The following RHCG variants were observed in gnomAD, a reference collection of about 807,000 sequenced individuals.
RHCG encodes ammonium transporter Rh type C.
A neutral mutation model predicts 55.3 loss-of-function variants in RHCG; 39 were observed. That is an observed-to-expected ratio of 0.70 (90% CI 0.55 to 0.92). The LOEUF (loss-of-function observed/expected upper bound fraction) is 0.92. Ranked by LOEUF, RHCG falls within the 40% of genes least tolerant of loss-of-function variation. The pLI, the probability that RHCG is intolerant of heterozygous loss-of-function variation, is 0.00. For synonymous variants in RHCG, 250 were observed against 246.8 expected (o/e 1.01, Z -0.12); for missense variants, 635 against 627.9 (o/e 1.01, Z -0.12).
chr15:89,476,998 A>G, intron 8 of RHCG, 84 bp downstream of exon 8: 2 of 1,586,960 alleles, frequency 1.3e-6, no homozygotes, highest in Non-Finnish European at 1.7e-6. Context: ...GCTCAGGCTG[A>G]CCTGTGCCGC....
chr15:89,486,753 C>T (rs1567227893), intron 2 of RHCG, 46 bp downstream of exon 2: 2 of 1,554,950 alleles, frequency 1.3e-6, no homozygotes, highest in Non-Finnish European at 8.7e-7. Context: ...TGCCCAGCCC[C>T]ATCCCTCCCA....
chr15:89,477,960 A>G lies in RHCG; in HGVS notation c.852T>C (p.Asn284=), dbSNP rs1477615298. 3 of 1,608,324 alleles carry G rather than the reference A, an allele frequency of 1.9e-6. No individual in the cohort carries two copies. In the African/African-American group the frequency reaches 4.0e-5, roughly 21 times the overall value. Residue 284 remains asparagine, a synonymous_variant, in exon 6 of 11, where the codon AAT becomes AAC. Transcript: ENST00000268122. This position sits in a 1 kb window ranked among gnomAD's most constrained non-coding sequence, Gnocchi z 4.5. ...CGGCCACCCCTCCTGCGAGCGTGGC[A>G]TTCTGGATGTGCACCTGGGCAGGGC... ...KGKLDMVHIQ[N]ATLAGGVAVG...
chr15:89,480,435 C>T (rs1961246201), intron 3 of RHCG, 27 bp from the exon 4 acceptor site: 1 of 1,601,980 alleles, frequency 6.2e-7, no homozygotes, highest in South Asian at 1.1e-5. Flanking sequence ...CTGTCAGACT[C>T]TGGCACCTTC....
At chr15:89,482,922 A>T in intron 3 of RHCG, 145 bp downstream of exon 3, 1 of 751,854 alleles carries the variant, frequency 1.3e-6, no homozygotes, top group Non-Finnish European at 2.0e-6. Context: ...TATTACTCCC[A>T]CTTTAGAGAT....
intron 2 of RHCG, among the ~76,000 whole-genome samples, chr15:89,485,434 A>G (rs183324701): frequency 5.1e-4 from 77 of 152,346 alleles, no homozygotes; most frequent in Admixed American, 1.4e-3. Flanking sequence ...TGGATTAATT[A>G]TCTGGTTTGG....
intron 1 of RHCG, among the ~76,000 whole-genome samples, chr15:89,487,834 C>T (rs1961402986): frequency 6.6e-6 from 1 of 152,232 alleles, no homozygotes; most frequent in Non-Finnish European, 1.5e-5. Flanking sequence ...TGTTTATGTT[C>T]ACTCAGGCAT....
At chr15:89,487,093 G>T in intron 1 of RHCG, 108 bp from the exon 2 acceptor site, 1 of 1,035,856 alleles carries the variant, frequency 9.7e-7, no homozygotes, top group Non-Finnish European at 1.4e-6. Flanking sequence ...CCCGCCACTG[G>T]CGCGTCTCCC....
At chr15:89,476,159 T>C (rs758415474) in intron 9 of RHCG, among the ~76,000 whole-genome samples, 4 of 150,938 alleles carry the variant, frequency 2.7e-5, no homozygotes, top group Non-Finnish European at 5.9e-5. Context: ...CTCCACCTCC[T>C]GGGCTCAAGC....
chr15:89,486,568 G>GAC (rs1233010146), intron 2 of RHCG: 2 of 269,796 alleles, frequency 7.4e-6, no homozygotes, highest in Admixed American at 8.1e-5. Flanking sequence ...GAGAGACAGA[G>GAC]AGAGAGAGAG....
In RHCG at chr15:89,483,097, C is replaced by T. The variant is rs907827274; in HGVS notation, c.492G>A (p.Val164=). 2 of 1,603,832 alleles carry T rather than the reference C, an allele frequency of 1.2e-6. No individual in the cohort carries two copies. The highest frequency in any genetic ancestry group is 1.7e-6 in the Non-Finnish European group (2 of 1,171,578). The change falls in exon 3 of 11, where the codon GTG becomes GTA. Residue 164 remains valine (V), a synonymous_variant. Transcript: ENST00000268122. The part of the protein sequence containing the change: ...MTFFQVTLFA[V]NEFILLNLLK... ...GCAGGTTAAGGAGAATGAACTCATT[C>T]ACAGCGAAGAGGGTCACTTGGAAGA...
At position 89,477,751 on chromosome 15, in the gene RHCG, C is replaced by T; in HGVS notation, c.975+86G>A. 1 of 1,603,472 alleles carries T rather than the reference C, an allele frequency of 6.2e-7. No individual in the cohort carries two copies. The highest frequency in any genetic ancestry group is 8.5e-7 in the Non-Finnish European group (1 of 1,172,586). ...ACCCAGGATTCTCTAGCCCTCAGCC[C>T]CCTCCCTAGGAACCCTCAGCTCACT... On this transcript the variant is annotated intron_variant, in intron 6 of 10. Coordinates refer to ENST00000268122, the MANE Select transcript of RHCG (RefSeq NM_016321.3). This position sits in a 1 kb window ranked among gnomAD's most constrained non-coding sequence, Gnocchi z 4.5.
chr15:89,486,786 G>A lies in RHCG; in HGVS notation c.371+13C>T, dbSNP rs777603151. The A allele has an allele frequency of 3.7e-5, 58 of 1,576,326 alleles. No homozygotes were observed. Among genetic ancestry groups the A allele is most frequent in the Non-Finnish European group, 4.8e-5 (55 of 1,155,354 alleles). The stretch of plus-strand genomic sequence containing the variant: ...CCAGTCCGCCACGCCCCCGGGGCCC[G>A]CCCTGCGCTCACTTCTCCACGCCCA... On this transcript the variant is annotated intron_variant, in intron 2 of 10. Transcript: ENST00000268122.
Position 89,477,733 on chromosome 15 carries a change from A to T in RHCG, c.976-80T>A. ...GAGGCCGGGATTCCAGAGACCCAGG[A>T]TTCTCTAGCCCTCAGCCCCCTCCCT... On this transcript the variant is annotated intron_variant, in intron 6 of 10. Transcript: ENST00000268122. This position sits in a 1 kb window ranked among gnomAD's most constrained non-coding sequence, Gnocchi z 4.5. The T allele has an allele frequency of 6.2e-7, 1 of 1,603,516 alleles. No individual in the cohort carries two copies. Among genetic ancestry groups the T allele is most frequent in the Non-Finnish European group, 8.5e-7 (1 of 1,172,266 alleles).
At position 89,474,840 on chromosome 15, in the gene RHCG, TCCTTCCTGCCTGCCTG is replaced by T. The variant is rs1567223956; in HGVS notation, c.1311+1899_1311+1914del. ...TGCCTGCCTTCCTTCCTGCCTGCCT[TCCTTCCTGCCTGCCTG>T]CCTTCCTTCCTGCCTGCCTTCCTTC... On this transcript the variant is annotated intron_variant, in intron 9 of 10. Coordinates refer to ENST00000268122, the MANE Select transcript of RHCG (RefSeq NM_016321.3). 1.3e-3 allele frequency among the ~76,000 whole-genome samples: 133 copies of T among 104,508 alleles called. 33 individuals carry two copies. The highest frequency in any genetic ancestry group is 4.7e-3 in the African/African-American group (116 of 24,798). The allele number at this position is 104,508 out of a possible 152,430, so 68.6% of individuals were successfully genotyped here.
intron 1 of RHCG, among the ~76,000 whole-genome samples, chr15:89,494,503 G>C (rs957559320): frequency 1.3e-5 from 2 of 152,108 alleles, no homozygotes; most frequent in African/African-American, 4.8e-5. Context: ...CATTAACCTG[G>C]GGTGTGAAAG....
chr15:89,485,040 C>G (rs9652514), intron 2 of RHCG, among the ~76,000 whole-genome samples: 8,051 of 152,160 alleles, frequency 0.053, 741 homozygotes, highest in African/African-American at 0.18. Context: ...ATCCCAGCCC[C>G]GGGCACCAGA....
chr15:89,476,950 C>A, intron 8 of RHCG, 122 bp from the exon 9 acceptor site: 1 of 1,544,262 alleles, frequency 6.5e-7, no homozygotes, highest in South Asian at 1.1e-5. Flanking sequence ...TTGTCCCAGT[C>A]CTGTAGCCAG....
chr15:89,487,013 G>A (rs375328717), intron 1 of RHCG, 28 bp from the exon 2 acceptor site: 1 of 1,526,262 alleles, frequency 6.6e-7, no homozygotes, highest in Non-Finnish European at 8.8e-7. Flanking sequence ...CCCGGGACTC[G>A]GTGGTCTGGC....
intron 3 of RHCG, 128 bp from the exon 4 acceptor site, chr15:89,480,536 G>C: frequency 2.7e-6 from 3 of 1,108,184 alleles, no homozygotes; most frequent in Non-Finnish European, 3.9e-6. Flanking sequence ...GTGCAGGATG[G>C]AGCCTGGGGC....
Sources: allele counts gnomAD v4.1 joint callset (sites outside exome capture counted in the v4.1 genomes callset), GRCh38; gene constraint gnomAD v4.1.1; non-coding constraint Gnocchi (gnomAD v3.1); transcripts MANE v1.5; gene names NCBI Gene and HGNC (gene_info 2026-07-23, HGNC 2026-07-21).